The following GAS2L3 variants were observed in gnomAD, a reference collection of about 807,000 sequenced individuals.
GAS2L3 encodes the protein growth arrest specific 2 like 3.
In GAS2L3, 28 loss-of-function variants were observed where a neutral mutation model predicts 37.0. The ratio of observed to expected loss-of-function variants is 0.76; its 90% CI spans 0.56 to 1.04. The LOEUF (loss-of-function observed/expected upper bound fraction) is 1.04, where lower values mean the gene tolerates loss of function less well. Among genes scored for constraint, GAS2L3 ranks in the 50% least tolerant of loss-of-function variants. GAS2L3 has a pLI of 0.00. For missense variants in GAS2L3, 793 were observed against 817.6 expected (o/e 0.97, Z 0.37); for synonymous variants, 290 against 296.6 (o/e 0.98, Z 0.23).
chr12:100,610,353 A>T (rs1432220470), intron 5 of GAS2L3, among the ~76,000 whole-genome samples: 1 of 152,214 alleles, frequency 6.6e-6, no homozygotes, highest in Non-Finnish European at 1.5e-5. Context: ...TGTCTACAAC[A>T]TATCATTTCA....
At chr12:100,592,747 A>G (rs1030364940) in intron 2 of GAS2L3, among the ~76,000 whole-genome samples, 1 of 152,082 alleles carries the variant, frequency 6.6e-6, no homozygotes, top group Non-Finnish European at 1.5e-5. Flanking sequence ...AAGATTCCCA[A>G]CAGGTTTAGA....
chr12:100,602,166 G>C (rs548887119), intron 5 of GAS2L3, among the ~76,000 whole-genome samples: 1 of 152,052 alleles, frequency 6.6e-6, no homozygotes, highest in Non-Finnish European at 1.5e-5. Context: ...GCTTGTGATG[G>C]TTCCTGGCAC....
intron 3 of GAS2L3, among the ~76,000 whole-genome samples, chr12:100,596,999 T>C (rs1955920800): frequency 1.3e-5 from 2 of 152,074 alleles, no homozygotes; most frequent in Non-Finnish European, 2.9e-5. Context: ...TTAATACTAA[T>C]TTCTACTGAC....
intron 3 of GAS2L3, among the ~76,000 whole-genome samples, chr12:100,597,576 AATAACTTAC>A (rs1158574290): frequency 6.6e-6 from 1 of 151,962 alleles, no homozygotes; most frequent in Admixed American, 6.6e-5. Context: ...ATGTCCCTTA[AATAACTTAC>A]ATTTCTTTTT....
chr12:100,589,687 A>G (rs544716567), intron 1 of GAS2L3, among the ~76,000 whole-genome samples: 1 of 152,220 alleles, frequency 6.6e-6, no homozygotes, highest in African/African-American at 2.4e-5. Flanking sequence ...TTATAAGGCC[A>G]TGGTCACCAA....
chr12:100,596,617 A>G (rs1390771653), intron 3 of GAS2L3, among the ~76,000 whole-genome samples: 3 of 152,114 alleles, frequency 2.0e-5, no homozygotes, highest in Non-Finnish European at 1.5e-5. Context: ...CCTTGCAGAG[A>G]GGAGACATCC....
intron 1 of GAS2L3, among the ~76,000 whole-genome samples, chr12:100,584,883 GTTTTTTTTT>G (rs34138123): frequency 1.3e-5 from 1 of 78,200 alleles, no homozygotes; most frequent in African/African-American, 5.4e-5. Context: ...TACTTGAATG[GTTTTTTTTT>G]TTTTTTTTTT....
intron 5 of GAS2L3, among the ~76,000 whole-genome samples, chr12:100,607,862 A>C (rs1956075805): frequency 6.6e-6 from 1 of 152,052 alleles, no homozygotes; most frequent in South Asian, 2.1e-4. Context: ...AAACACAGCT[A>C]TTTTAAATTC....
chr12:100,599,516 C>T (rs912434719), intron 3 of GAS2L3, among the ~76,000 whole-genome samples: 5 of 152,158 alleles, frequency 3.3e-5, no homozygotes, highest in African/African-American at 1.2e-4. Flanking sequence ...TCTGGGCTTA[C>T]AAAATAGGTG....
chr12:100,621,245 A>T (rs1306138314), intron 8 of GAS2L3, among the ~76,000 whole-genome samples: 1 of 152,122 alleles, frequency 6.6e-6, no homozygotes, highest in African/African-American at 2.4e-5. Context: ...AAAAACATTC[A>T]TGACCTTCCT....
Position 100,580,180 on chromosome 12 carries a change from A to G in GAS2L3, c.-152+6395A>G, listed in dbSNP as rs149855648. The G allele has an allele frequency of 3.8e-5, 28 of 735,076 alleles. No individual in the cohort carries two copies. The African/African-American group carries it at 4.3e-4, about 11-fold the overall frequency. 45.5% of individuals were successfully genotyped at this position (735,076 alleles called of 1,614,324 possible). On this transcript the variant is annotated intron_variant, in intron 1 of 9. Transcript: ENST00000547754. ...TAAAAGAGGGGGTGAGAATATTAAGATATCTAAAACCAGGTAGAAGAGAGC... is the reference window on the plus strand; with the variant it reads ...TAAAAGAGGGGGTGAGAATATTAAGGTATCTAAAACCAGGTAGAAGAGAGC...
chr12:100,613,131 A>G (rs561482133), intron 6 of GAS2L3, among the ~76,000 whole-genome samples: 2 of 152,338 alleles, frequency 1.3e-5, no homozygotes, highest in South Asian at 2.1e-4. Context: ...TACTTTCTAA[A>G]GATCAAAACA....
In GAS2L3 at chr12:100,627,532, C is replaced by G. The variant is rs1956344151; in HGVS notation, c.*2642C>G. Reference sequence around the variant, plus strand: ...ACCTCAGGTGATCCACCTGCCTCAGCCTCCCAAAGCGCTGGGATTACAGGC... The same window carrying G: ...ACCTCAGGTGATCCACCTGCCTCAGGCTCCCAAAGCGCTGGGATTACAGGC... On this transcript the variant is annotated 3_prime_UTR_variant, in exon 10 of 10. Coordinates refer to ENST00000547754, the MANE Select transcript of GAS2L3 (RefSeq NM_174942.3). 6.6e-6 allele frequency: 1 copy of G among 152,202 alleles called. No homozygotes were observed. The highest frequency in any genetic ancestry group is 2.1e-4 in the South Asian group (1 of 4,832). The allele number at this position is 152,202 out of a possible 1,614,324, so 9.4% of individuals were successfully genotyped here. A position where few individuals can be genotyped will look rare whatever the true frequency, so the allele number is the denominator to read the frequency against.
At chr12:100,591,687 A>AT (rs1955848724) in intron 1 of GAS2L3, 49 bp from the exon 2 acceptor site, 1 of 152,034 alleles carries the variant, frequency 6.6e-6, no homozygotes, top group Non-Finnish European at 1.5e-5. Flanking sequence ...GTCTCATTTA[A>AT]TTTTTTACAG....
At chr12:100,621,877 G>GC (rs1956256184) in intron 8 of GAS2L3, among the ~76,000 whole-genome samples, 2 of 131,526 alleles carry the variant, frequency 1.5e-5, no homozygotes, top group African/African-American at 5.6e-5. Context: ...GGGAGGGTGG[G>GC]GGGGGGAGAG....
Position 100,624,865 on chromosome 12 carries a change from C to T in GAS2L3, c.2060C>T (p.Thr687Ile), listed in dbSNP as rs1170791711. ...GATGATGACCATTATTTTGTCATGA[C>T]TGGAAGTAAGAAACCTAGAAAATAA... ...KEDDDHYFVM[T>I]GSKKPRK The change falls in exon 10 of 10, where the codon ACT (threonine) becomes ATT (isoleucine). Residue 687 changes from threonine (T) to isoleucine (I), a missense_variant. Thr to Ile is a moderately conservative substitution (Grantham distance 89). Transcript: ENST00000547754. 5 of 1,590,272 alleles carry T rather than the reference C, an allele frequency of 3.1e-6. No homozygotes were observed. The East Asian group carries it at 6.7e-5, about 21-fold the overall frequency.
Position 100,624,897 on chromosome 12 carries a change from A to C in GAS2L3, c.*7A>C. The C allele has an allele frequency of 3.3e-6, 5 of 1,525,286 alleles. No homozygotes were observed. The highest frequency in any genetic ancestry group is 4.5e-6 in the Non-Finnish European group (5 of 1,122,338). 94.5% of individuals were successfully genotyped at this position (1,525,286 alleles called of 1,614,324 possible). ...TAAGAAACCTAGAAAATAAATACAT[A>C]CTCATTATAAAAAAAGAGAAAAGGA... On this transcript the variant is annotated 3_prime_UTR_variant, in exon 10 of 10. Transcript: ENST00000547754.
At chr12:100,595,040 A>G in intron 3 of GAS2L3, 118 bp downstream of exon 3, 1 of 437,462 alleles carries the variant, frequency 2.3e-6, no homozygotes, top group Non-Finnish European at 4.2e-6. Flanking sequence ...TTTAAGCATC[A>G]CATTTTAATA....
chr12:100,594,958 G>T, intron 3 of GAS2L3, 36 bp downstream of exon 3: 2 of 991,578 alleles, frequency 2.0e-6, no homozygotes, highest in South Asian at 3.5e-5. Flanking sequence ...TTTAAATTAT[G>T]AGATTAATAT....
Sources: allele counts gnomAD v4.1 joint callset (sites outside exome capture counted in the v4.1 genomes callset), GRCh38; gene constraint gnomAD v4.1.1; transcripts MANE v1.5; gene names NCBI Gene and HGNC (gene_info 2026-07-23, HGNC 2026-07-21).